The following TAFA2 variants were observed in gnomAD, a reference collection of about 807,000 sequenced individuals.
TAFA2 encodes the protein TAFA chemokine like family member 2.
TAFA2 carries 7 observed loss-of-function variants against 18.8 expected under a neutral mutation model. The observed-to-expected ratio is 0.37, with a 90% CI of 0.21 to 0.70. TAFA2 has a LOEUF of 0.70. TAFA2 is among the 30% of genes least tolerant of loss of function. The pLI, the probability that TAFA2 is intolerant of heterozygous loss-of-function variation, is 0.53. For synonymous variants in TAFA2, 60 were observed against 54.2 expected (o/e 1.11, Z -0.47); for missense variants, 122 against 158.1 (o/e 0.77, Z 1.23).
In TAFA2 at chr12:62,071,634, G is replaced by C. The variant is rs146941540; in HGVS notation, c.-2+119625C>G. ...CTTCTCCATGGAGGGATGTACTGTT[G>C]GGACATAATAATCCATGGGAGGACT... On this transcript the variant is annotated intron_variant, in intron 1 of 4. Transcript: ENST00000416284. Among the ~76,000 whole-genome samples the C allele has an allele frequency of 6.5e-3, 985 of 152,220 alleles. 15 individuals are homozygous for C. The highest frequency in any genetic ancestry group is 0.022 in the African/African-American group (930 of 41,512).
intron 2 of TAFA2, among the ~76,000 whole-genome samples, chr12:61,795,240 A>T (rs1486856265): frequency 1.3e-5 from 2 of 152,220 alleles, no homozygotes; most frequent in Admixed American, 6.5e-5. Flanking sequence ...GTATATACCC[A>T]AAGGATTATA....
At chr12:62,142,225 C>G (rs1032833164) in intron 1 of TAFA2, among the ~76,000 whole-genome samples, 3 of 152,152 alleles carry the variant, frequency 2.0e-5, no homozygotes. Context: ...ATAATAACTA[C>G]CTGAGCCTGG....
At chr12:62,102,351 A>G (rs147840278) in intron 1 of TAFA2, among the ~76,000 whole-genome samples, 2,317 of 152,358 alleles carry the variant, frequency 0.015, 52 homozygotes, top group African/African-American at 0.053. Context: ...TTGTGAAAAC[A>G]TGAGATATTT....
chr12:62,128,117 T>C (rs1305644552), intron 1 of TAFA2, among the ~76,000 whole-genome samples: 1 of 152,050 alleles, frequency 6.6e-6, no homozygotes, highest in Non-Finnish European at 1.5e-5. Context: ...CTGAGTAAAA[T>C]TCTTTTACTT....
chr12:61,719,138 G>T (rs1191273757), intron 4 of TAFA2, among the ~76,000 whole-genome samples: 2 of 152,090 alleles, frequency 1.3e-5, no homozygotes, highest in Non-Finnish European at 2.9e-5. Context: ...CATTCAACCT[G>T]ATCTTAATTA....
intron 4 of TAFA2, among the ~76,000 whole-genome samples, chr12:61,712,194 T>A (rs1869442682): frequency 1.3e-5 from 2 of 152,090 alleles, no homozygotes; most frequent in Non-Finnish European, 2.9e-5. Context: ...ATAAATGTGG[T>A]GCCATGACTC....
At chr12:62,071,624 A>T (rs1171170283) in intron 1 of TAFA2, among the ~76,000 whole-genome samples, 1 of 152,116 alleles carries the variant, frequency 6.6e-6, no homozygotes, top group African/African-American at 2.4e-5. Context: ...CCATGGAGGG[A>T]TGTACTGTTG....
chr12:62,202,780 T>C (rs1303293541), intron 1 of TAFA2, among the ~76,000 whole-genome samples: 2 of 151,418 alleles, frequency 1.3e-5, no homozygotes, highest in Non-Finnish European at 2.9e-5. Flanking sequence ...CCAGGAGTCA[T>C]TCACGAGCAA....
intron 1 of TAFA2, among the ~76,000 whole-genome samples, chr12:62,132,393 G>A (rs2136896023): frequency 6.6e-6 from 1 of 151,824 alleles, no homozygotes; most frequent in African/African-American, 2.4e-5. Context: ...AGGCAATACA[G>A]GTATTGACCC....
At chr12:62,216,663 A>G (rs2062737246) in intron 1 of TAFA2, among the ~76,000 whole-genome samples, 1 of 152,208 alleles carries the variant, frequency 6.6e-6, no homozygotes, top group East Asian at 1.9e-4. Flanking sequence ...GTTGATCTGA[A>G]AAACGCTTTA....
chr12:62,197,830 A>C (rs2062655070), intron 1 of TAFA2, among the ~76,000 whole-genome samples: 1 of 152,184 alleles, frequency 6.6e-6, no homozygotes, highest in African/African-American at 2.4e-5. Flanking sequence ...GATATACCAC[A>C]ATTTCTTTAA....
At chr12:61,830,635 T>C (rs1872686869) in intron 2 of TAFA2, among the ~76,000 whole-genome samples, 1 of 151,962 alleles carries the variant, frequency 6.6e-6, no homozygotes, top group African/African-American at 2.4e-5. Flanking sequence ...AGAAATTACT[T>C]AATGAATACA....
chr12:62,085,594 T>C (rs1396548962), intron 1 of TAFA2, among the ~76,000 whole-genome samples: 1 of 152,156 alleles, frequency 6.6e-6, no homozygotes, highest in African/African-American at 2.4e-5. Context: ...TATGTGCCAA[T>C]CCCTGATTTA....
intron 1 of TAFA2, among the ~76,000 whole-genome samples, chr12:62,010,170 C>T (rs1481661755): frequency 6.7e-6 from 1 of 148,958 alleles, no homozygotes; most frequent in Non-Finnish European, 1.5e-5. Flanking sequence ...TCCCCCTCCC[C>T]CTCCCTCTCC....
chr12:61,965,867 A>G (rs1479967600), intron 1 of TAFA2, among the ~76,000 whole-genome samples: 1 of 151,826 alleles, frequency 6.6e-6, no homozygotes, highest in African/African-American at 2.4e-5. Flanking sequence ...AAATACACTC[A>G]ATTGCATTCA....
chr12:62,100,138 TACACAC>T (rs373455310), intron 1 of TAFA2, among the ~76,000 whole-genome samples: 62 of 145,748 alleles, frequency 4.3e-4, no homozygotes, highest in African/African-American at 7.8e-4. Flanking sequence ...CAACTCCCTC[TACACAC>T]ACACACACAC....
At chr12:61,817,903 C>A (rs1021406595) in intron 2 of TAFA2, among the ~76,000 whole-genome samples, 40 of 152,132 alleles carry the variant, frequency 2.6e-4, no homozygotes, top group African/African-American at 9.7e-4. Flanking sequence ...AACTTTAAAT[C>A]ACAGGGATGG....
intron 2 of TAFA2, among the ~76,000 whole-genome samples, chr12:61,861,566 A>G (rs891255344): frequency 6.6e-6 from 1 of 152,046 alleles, no homozygotes; most frequent in African/African-American, 2.4e-5. Context: ...GCTCACTTTC[A>G]TATCTCCAGA....
chr12:62,068,522 C>A (rs1295447534), intron 1 of TAFA2, among the ~76,000 whole-genome samples: 1 of 152,104 alleles, frequency 6.6e-6, no homozygotes, highest in Non-Finnish European at 1.5e-5. Flanking sequence ...GAAAAATTAG[C>A]AAATCTTCTA....
Sources: gnomAD v4.1 joint callset for allele counts (sites outside exome capture counted in the v4.1 genomes callset) on GRCh38, gnomAD v4.1.1 for gene constraint, MANE v1.5 for transcripts, NCBI Gene and HGNC (gene_info 2026-07-23, HGNC 2026-07-21) for gene names.